The following POLG2 variants were observed in gnomAD, a reference collection of about 807,000 sequenced individuals.
POLG2 encodes DNA polymerase gamma 2, accessory subunit, also known as DNA polymerase subunit gamma-2.
A neutral mutation model predicts 56.5 loss-of-function variants in POLG2; 50 were observed. The observed-to-expected ratio is 0.88, with a 90% CI of 0.71 to 1.12. The LOEUF is 1.12. Among genes scored for constraint, POLG2 ranks in the 50% most tolerant of loss-of-function variants. The probability of loss-of-function intolerance (pLI) is 0.00; values close to 1 mark genes in which losing one functional copy is unlikely to be tolerated. For synonymous variants in POLG2, 226 were observed against 222.6 expected (o/e 1.02, Z -0.14); for missense variants, 584 against 583.3 (o/e 1.00, Z -0.01).
intron 6 of POLG2, chr17:64,481,387 A>T (rs2037852885): frequency 1.0e-6 from 1 of 985,268 alleles, no homozygotes; most frequent in South Asian, 4.7e-5. Flanking sequence ...TAGTGTCCGC[A>T]TTCAGGTCTG....
At chr17:64,478,095 C>T (rs782479502) in intron 7 of POLG2, 107 bp from the exon 8 acceptor site, 43 of 1,211,658 alleles carry the variant, frequency 3.5e-5, no homozygotes, top group Middle Eastern at 4.4e-4. Flanking sequence ...GAGTCACAGA[C>T]TCAGGGCTTA....
chr17:64,496,645 C>A lies in POLG2; in HGVS notation c.324G>T (p.Lys108Asn), dbSNP rs781804695. ...GFGPLGVELRKNLAAEWWTSV... is the reference protein window; with the variant it reads ...GFGPLGVELRNNLAAEWWTSV... ...AGGTCCACCATTCTGCGGCCAGGTT[C>A]TTCCGCAACTCTACGCCCAAGGGTC... is the stretch of plus-strand genomic sequence containing the variant. The change falls in exon 1 of 8, where the codon AAG becomes AAT. Residue 108 changes from lysine (K) to asparagine (N), a missense_variant. Lys to Asn is a moderately conservative substitution (Grantham distance 94, BLOSUM62 0). Transcript: ENST00000539111. The A allele has an allele frequency of 8.1e-6, 13 of 1,613,926 alleles. No individual in the cohort carries two copies. In the East Asian group the frequency reaches 2.9e-4, roughly 36 times the overall value.
At chr17:64,489,142 A>G (rs2038012200) in intron 4 of POLG2, among the ~76,000 whole-genome samples, 1 of 151,632 alleles carries the variant, frequency 6.6e-6, no homozygotes, top group Admixed American at 6.6e-5. Context: ...AAGGTAAGGA[A>G]GTGCTCGTCA....
chr17:64,495,650 A>G (rs2038138537), intron 1 of POLG2, among the ~76,000 whole-genome samples: 1 of 152,148 alleles, frequency 6.6e-6, no homozygotes, highest in African/African-American at 2.4e-5. Flanking sequence ...CTTCTTTTAC[A>G]TATTATCTCT....
At chr17:64,478,873 C>T (rs1257485868) in intron 7 of POLG2, among the ~76,000 whole-genome samples, 6 of 151,890 alleles carry the variant, frequency 4.0e-5, no homozygotes, top group Non-Finnish European at 7.4e-5. Context: ...CCAGCCCGGG[C>T]GACAGTGCGA....
intron 2 of POLG2, 23 bp from the exon 3 acceptor site, chr17:64,492,795 G>A (rs2144199253): frequency 1.3e-6 from 2 of 1,596,484 alleles, no homozygotes; most frequent in East Asian, 4.5e-5. Context: ...AACGTATCAG[G>A]AAGTTAGCTT....
intron 1 of POLG2, among the ~76,000 whole-genome samples, chr17:64,495,138 A>G (rs1192476574): frequency 1.4e-5 from 2 of 140,224 alleles, no homozygotes; most frequent in Non-Finnish European, 3.0e-5. Context: ...AGATTGTGCC[A>G]CTGCACTCCA....
chr17:64,478,971 A>T (rs2037812601), intron 7 of POLG2, among the ~76,000 whole-genome samples: 1 of 152,164 alleles, frequency 6.6e-6, no homozygotes, highest in African/African-American at 2.4e-5. Flanking sequence ...CGTGTTTAAT[A>T]ATAATTTCAT....
chr17:64,495,910 T>G (rs1487891833), intron 1 of POLG2, among the ~76,000 whole-genome samples: 1 of 152,152 alleles, frequency 6.6e-6, no homozygotes, highest in Non-Finnish European at 1.5e-5. Flanking sequence ...GGTTTCACCA[T>G]GTTGGCCAGG....
chr17:64,483,721 CTT>C (rs782648209), intron 5 of POLG2, among the ~76,000 whole-genome samples: 4 of 137,218 alleles, frequency 2.9e-5, no homozygotes, highest in Admixed American at 1.5e-4. Flanking sequence ...ATGAAATTTG[CTT>C]TTTTTTTTTT....
chr17:64,493,039 A>C lies in POLG2; in HGVS notation c.563-18T>G, dbSNP rs782009459. 1.2e-5 allele frequency: 20 copies of C among 1,613,866 alleles called. No individual in the cohort carries two copies. Among genetic ancestry groups the C allele is most frequent in the Non-Finnish European group, 1.7e-5 (20 of 1,179,726 alleles). ...CAAGGCACCTGTCAAAAGATAAATC[A>C]ATCATTGTATACATCTAGTCCACAA... On this transcript the variant is annotated intron_variant, in intron 1 of 7. Coordinates refer to ENST00000539111, the MANE Select transcript of POLG2 (RefSeq NM_007215.4).
Position 64,496,917 on chromosome 17 carries a change from A to G in POLG2, c.52T>C (p.Leu18=). ...TCTACTCGACCCCCAAACCCAGACAACAGGCACCTGCAGACCTTATGGCAG... is the reference window on the plus strand; with the variant it reads ...TCTACTCGACCCCCAAACCCAGACAGCAGGCACCTGCAGACCTTATGGCAG... ...RACHKVCRCL[L]SGFGGRVDAG... Residue 18 remains leucine (L), a synonymous_variant, in exon 1 of 8, where the codon TTG becomes CTG. Coordinates refer to ENST00000539111, the MANE Select transcript of POLG2 (RefSeq NM_007215.4). 1 of 1,612,244 alleles carries G rather than the reference A, an allele frequency of 6.2e-7. No homozygotes were observed. Among genetic ancestry groups the G allele is most frequent in the Non-Finnish European group, 8.5e-7 (1 of 1,179,994 alleles).
intron 7 of POLG2, among the ~76,000 whole-genome samples, chr17:64,478,741 C>CA (rs1450207090): frequency 6.6e-6 from 1 of 151,664 alleles, no homozygotes; most frequent in Non-Finnish European, 1.5e-5. Context: ...ACCAAAACTA[C>CA]AAAAAATTAG....
intron 6 of POLG2, among the ~76,000 whole-genome samples, chr17:64,482,327 CTTTT>C (rs60268133): frequency 7.8e-6 from 1 of 128,560 alleles, no homozygotes. Context: ...AAATTAAAAA[CTTTT>C]TTTTTTTTTT....
chr17:64,485,966 G>A, intron 4 of POLG2, 98 bp from the exon 5 acceptor site: 4 of 1,160,844 alleles, frequency 3.4e-6, no homozygotes, highest in Non-Finnish European at 5.1e-6. Context: ...GGCCAGGCTG[G>A]AGTGCAGTGG....
chr17:64,479,944 A>T (rs2037830039), intron 7 of POLG2, among the ~76,000 whole-genome samples: 1 of 152,228 alleles, frequency 6.6e-6, no homozygotes, highest in Non-Finnish European at 1.5e-5. Flanking sequence ...AGAATGGACC[A>T]CAATGCCAGC....
chr17:64,489,423 T>C (rs1169853262), intron 4 of POLG2, among the ~76,000 whole-genome samples: 4 of 151,402 alleles, frequency 2.6e-5, no homozygotes, highest in African/African-American at 9.7e-5. Flanking sequence ...TAGTAACTGA[T>C]TTGAGCAAGA....
rs558225108 is a variant in POLG2 at position 64,494,632 on chromosome 17, C to G, written c.563-1611G>C. ...ATTTGTTTTTGATTAATACTATTGA[C>G]TCTTAGATTTTAGTCAATGTGTTAT... On this transcript the variant is annotated intron_variant, in intron 1 of 7. Coordinates refer to ENST00000539111, the MANE Select transcript of POLG2 (RefSeq NM_007215.4). 1.2e-3 allele frequency among the ~76,000 whole-genome samples: 184 copies of G among 152,082 alleles called. 1 individual carries two copies. The highest frequency in any genetic ancestry group is 4.7e-4 in the Non-Finnish European group (32 of 67,998).
intron 1 of POLG2, among the ~76,000 whole-genome samples, chr17:64,495,238 T>C (rs1201242796): frequency 2.0e-5 from 3 of 148,580 alleles, no homozygotes; most frequent in African/African-American, 7.5e-5. Context: ...CTACTGAGGG[T>C]CATTGCTTCT....
Sources: allele counts gnomAD v4.1 joint callset (sites outside exome capture counted in the v4.1 genomes callset), GRCh38; gene constraint gnomAD v4.1.1; transcripts MANE v1.5; gene names NCBI Gene and HGNC (gene_info 2026-07-23, HGNC 2026-07-21).